RTL9: variants seen among roughly 807,000 people sequenced by gnomAD.
The protein encoded by RTL9 is retrotransposon Gag-like protein 9.
Under a neutral mutation model 44.7 loss-of-function variants are expected in RTL9, and 19 were observed. The observed-to-expected ratio is 0.42, with a 90% CI of 0.30 to 0.62. The LOEUF is 0.62. RTL9 is among the 20% of genes least tolerant of loss of function. RTL9 has a pLI of 0.16. For synonymous variants in RTL9, 407 were observed against 398.9 expected (o/e 1.02, Z -0.24); for missense variants, 1,105 against 1,080.6 (o/e 1.02, Z -0.32).
At chrX:110,452,563 T>C (rs1164764556) in exon 1 of RTL9, 2 of 1,210,572 alleles carry the variant, frequency 1.7e-6, no homozygotes, top group African/African-American at 3.5e-5. Flanking sequence ...AGAGACACAG[T>C]TTCTGGAGCT....
intron 1 of RTL9, among the ~76,000 whole-genome samples, chrX:110,363,950 C>T (rs377308896): frequency 2.7e-5 from 3 of 111,910 alleles, no homozygotes; most frequent in African/African-American, 6.5e-5. Flanking sequence ...GCCCATAAAA[C>T]GGAATGAGTG....
At chrX:110,388,206 T>C (rs1010800315) in intron 1 of RTL9, among the ~76,000 whole-genome samples, 17 of 111,570 alleles carry the variant, frequency 1.5e-4, no homozygotes, top group African/African-American at 5.6e-4. Context: ...CATCCCAAAC[T>C]GCAAAGGGGC....
At chrX:110,437,748 G>A (rs1180478292) in intron 1 of RTL9, among the ~76,000 whole-genome samples, 1 of 111,455 alleles carries the variant, frequency 9.0e-6, no homozygotes, top group Non-Finnish European at 1.9e-5. Context: ...ATCTTAGTGT[G>A]GTCCCCTCCT....
intron 1 of RTL9, among the ~76,000 whole-genome samples, chrX:110,437,959 C>A (rs1238799016): frequency 8.9e-6 from 1 of 111,787 alleles, no homozygotes; most frequent in Non-Finnish European, 1.9e-5. Context: ...ATTCCTCCTT[C>A]TTGTACCCCA....
At chrX:110,443,431 C>T (rs988844676) in intron 1 of RTL9, among the ~76,000 whole-genome samples, 3 of 111,920 alleles carry the variant, frequency 2.7e-5, no homozygotes, top group Non-Finnish European at 5.6e-5. Flanking sequence ...CAGGGTTTCC[C>T]CACCACACTT....
At chrX:110,443,967 A>G (rs2068895824) in intron 1 of RTL9, among the ~76,000 whole-genome samples, 1 of 112,221 alleles carries the variant, frequency 8.9e-6, no homozygotes, top group Admixed American at 9.4e-5. Flanking sequence ...TCAGGAGAGG[A>G]TCAAGGCTAT....
chrX:110,387,226 A>G (rs1024471139), intron 1 of RTL9, among the ~76,000 whole-genome samples: 42 of 112,429 alleles, frequency 3.7e-4, no homozygotes, highest in African/African-American at 1.4e-3. Context: ...GAATCCCCAC[A>G]GTCCCACCTT....
chrX:110,387,068 A>G (rs1156703120), intron 1 of RTL9, among the ~76,000 whole-genome samples: 2 of 112,283 alleles, frequency 1.8e-5, no homozygotes, highest in African/African-American at 6.5e-5. Flanking sequence ...AGCTTTAAGG[A>G]GAAGGGATCT....
exon 1 of RTL9, chrX:110,452,348 C>T: frequency 5.0e-6 from 6 of 1,210,748 alleles, no homozygotes; most frequent in Non-Finnish European, 6.7e-6. Context: ...CAATGTCCAC[C>T]CCACTAATGA....
chrX:110,383,463 G>C (rs1352140025), intron 1 of RTL9, among the ~76,000 whole-genome samples: 1 of 111,060 alleles, frequency 9.0e-6, no homozygotes, highest in East Asian at 2.8e-4. Context: ...TTCTTCTACT[G>C]TATATAAGGT....
chrX:110,391,007 T>C (rs184008555), intron 1 of RTL9, among the ~76,000 whole-genome samples: 1 of 112,032 alleles, frequency 8.9e-6, no homozygotes, highest in Admixed American at 9.5e-5. Flanking sequence ...TGATTTACTC[T>C]GGGATTGGGA....
chrX:110,420,271 T>G (rs1569426169), intron 1 of RTL9, among the ~76,000 whole-genome samples: 1 of 112,188 alleles, frequency 8.9e-6, no homozygotes, highest in Admixed American at 9.4e-5. Context: ...CATTTTTGCT[T>G]CCCCTGTGCC....
At chrX:110,393,224 TA>T (rs1167870490) in intron 1 of RTL9, among the ~76,000 whole-genome samples, 3 of 111,403 alleles carry the variant, frequency 2.7e-5, no homozygotes, top group Non-Finnish European at 5.7e-5. Flanking sequence ...TTGGACCACT[TA>T]ACTTCCAGGA....
exon 1 of RTL9, chrX:110,453,747 C>T: frequency 8.3e-7 from 1 of 1,211,531 alleles, no homozygotes; most frequent in Non-Finnish European, 1.1e-6. Flanking sequence ...GCCCATGCCA[C>T]TACCAAGAGC....
chrX:110,418,773 C>T (rs148349527), upstream of RTL9, among the ~76,000 whole-genome samples: 1,066 of 111,761 alleles, frequency 9.5e-3, 13 homozygotes, highest in African/African-American at 0.032. Context: ...CACTTATTCT[C>T]ATTTCCTGGC....
At chrX:110,425,150 C>T (rs2068744773) in intron 1 of RTL9, among the ~76,000 whole-genome samples, 1 of 112,170 alleles carries the variant, frequency 8.9e-6, no homozygotes, top group Non-Finnish European at 1.9e-5. Context: ...AAATTAAAAT[C>T]AAGGTTAATC....
At chrX:110,409,404 C>G (rs188124347) in intron 1 of RTL9, among the ~76,000 whole-genome samples, 138 of 111,883 alleles carry the variant, frequency 1.2e-3, no homozygotes, top group African/African-American at 4.2e-3. Flanking sequence ...TACATTCTCA[C>G]TTGCTGGTAT....
At chrX:110,370,253 G>A (rs897683024) in intron 1 of RTL9, among the ~76,000 whole-genome samples, 2 of 111,477 alleles carry the variant, frequency 1.8e-5, no homozygotes, top group Non-Finnish European at 3.8e-5. Flanking sequence ...TTGTCACCCA[G>A]GCTGGAGTGC....
intron 1 of RTL9, among the ~76,000 whole-genome samples, chrX:110,442,813 C>A (rs954303017): frequency 8.9e-6 from 1 of 111,753 alleles, no homozygotes; most frequent in Non-Finnish European, 1.9e-5. Context: ...CCTGCTTCCC[C>A]CAGCAATAGC....
Sources: allele counts gnomAD v4.1 joint callset (sites outside exome capture counted in the v4.1 genomes callset), GRCh38; gene constraint gnomAD v4.1.1; transcripts MANE v1.5; gene names NCBI Gene and HGNC (gene_info 2026-07-23, HGNC 2026-07-21).